The following BNIP1 variants were observed in gnomAD, a reference collection of about 807,000 sequenced individuals.
BNIP1 encodes the protein BCL2 interacting protein 1, also known as vesicle transport protein SEC20.
BNIP1 carries 25 observed loss-of-function variants against 28.5 expected under a neutral mutation model. The ratio of observed to expected loss-of-function variants is 0.88; its 90% CI spans 0.64 to 1.23. BNIP1 has a LOEUF of 1.23. BNIP1 is among the 50% of genes most tolerant of loss of function. The pLI, the probability that BNIP1 is intolerant of heterozygous loss-of-function variation, is 0.00. For synonymous variants in BNIP1, 118 were observed against 101.7 expected (o/e 1.16, Z -0.96); for missense variants, 276 against 277.0 (o/e 1.00, Z 0.02).
At chr5:173,160,485 C>T (rs1309831581) in intron 5 of BNIP1, among the ~76,000 whole-genome samples, 1 of 152,194 alleles carries the variant, frequency 6.6e-6, no homozygotes, top group Non-Finnish European at 1.5e-5. Context: ...CCGCCTGCCT[C>T]AGCCTCCCAA....
At chr5:173,163,605 C>T in intron 5 of BNIP1, 120 bp from the exon 6 acceptor site, 8 of 905,688 alleles carry the variant, frequency 8.8e-6, no homozygotes, top group Non-Finnish European at 1.3e-5. Flanking sequence ...TGCTTTGATT[C>T]CAGCTCAGAG....
At chr5:173,155,342 C>T (rs115360011) in intron 3 of BNIP1, among the ~76,000 whole-genome samples, 3 of 152,294 alleles carry the variant, frequency 2.0e-5, no homozygotes, top group African/African-American at 7.2e-5. Context: ...GACTTTTGTA[C>T]CAATCATAAA....
rs971291815 is a variant in BNIP1 at position 173,160,241 on chromosome 5, T to TG, written c.490+190_490+191insG. The stretch of plus-strand genomic sequence containing the variant: ...TGGGATGTGCTGCTCCTATTTCTCT[T>TG]TTTTTTTTTTGAGATGGAGTTTCGC... On this transcript the variant is annotated intron_variant, in intron 5 of 5. Transcript: ENST00000351486. Among the ~76,000 whole-genome samples, 15 of 148,750 alleles carry TG rather than the reference T, an allele frequency of 1.0e-4. No homozygotes were observed. In the East Asian group the frequency reaches 2.7e-3, roughly 27 times the overall value.
intron 2 of BNIP1, among the ~76,000 whole-genome samples, chr5:173,148,086 ATATATATAT>A (rs1759909317): frequency 1.4e-3 from 32 of 23,116 alleles, no homozygotes; most frequent in South Asian, 3.8e-3. Flanking sequence ...AAAAAAAAAT[ATATATATAT>A]ATATATATAT....
At chr5:173,147,694 T>C (rs1462279777) in intron 2 of BNIP1, among the ~76,000 whole-genome samples, 4 of 152,090 alleles carry the variant, frequency 2.6e-5, no homozygotes, top group African/African-American at 9.7e-5. Context: ...GTATATGTGC[T>C]GTCTCAAAAA....
chr5:173,156,671 A>T (rs1272780960), intron 3 of BNIP1, among the ~76,000 whole-genome samples: 1 of 146,752 alleles, frequency 6.8e-6, no homozygotes, highest in Non-Finnish European at 1.5e-5. Flanking sequence ...TTTTTGAGAC[A>T]GAGTCTCACT....
chr5:173,156,628 G>A (rs1191285977), intron 3 of BNIP1, among the ~76,000 whole-genome samples: 1 of 151,410 alleles, frequency 6.6e-6, no homozygotes, highest in East Asian at 1.9e-4. Flanking sequence ...GAGACAGAAC[G>A]AGACCCTGCC....
rs5745117 is a variant in BNIP1 at position 173,149,024 on chromosome 5, G to T, written c.177+2066G>T. Among the ~76,000 whole-genome samples, 1,517 of 152,206 alleles carry T rather than the reference G, an allele frequency of 1.0e-2. 13 individuals are homozygous for T. The highest frequency in any genetic ancestry group is 0.015 in the Non-Finnish European group (997 of 68,016). ...TTGGCAGAGAACTAGCACTTACTCT[G>T]CCCTAGTGGGACCTAGGAGAGTCAG... On this transcript the variant is annotated intron_variant, in intron 2 of 5. Transcript: ENST00000351486.
chr5:173,161,863 A>T (rs1012911001), intron 5 of BNIP1: 2 of 152,102 alleles, frequency 1.3e-5, no homozygotes, highest in African/African-American at 4.8e-5. Flanking sequence ...CGTAATAATA[A>T]AGTTTAAAAA....
At chr5:173,151,791 C>T in intron 2 of BNIP1, 1 of 1,541,152 alleles carries the variant, frequency 6.5e-7, no homozygotes, top group Non-Finnish European at 8.7e-7. Context: ...TGTACATTTA[C>T]ATATTTATTA....
chr5:173,153,624 G>T (rs374285540), intron 2 of BNIP1, among the ~76,000 whole-genome samples: 1 of 152,142 alleles, frequency 6.6e-6, no homozygotes, highest in African/African-American at 2.4e-5. Context: ...CAGCTCCCTG[G>T]TTGGTTATAA....
chr5:173,161,703 G>A (rs568701982), intron 5 of BNIP1: 3 of 152,350 alleles, frequency 2.0e-5, no homozygotes, highest in Non-Finnish European at 2.9e-5. Context: ...GGAATATGGT[G>A]TCTGGAATTT....
At chr5:173,155,254 G>A (rs114358278) in intron 3 of BNIP1, among the ~76,000 whole-genome samples, 1 of 152,308 alleles carries the variant, frequency 6.6e-6, no homozygotes, top group African/African-American at 2.4e-5. Context: ...GCCATTTCTT[G>A]TTATTGAATT....
chr5:173,149,748 C>T (rs137856515), intron 2 of BNIP1, among the ~76,000 whole-genome samples: 1 of 152,212 alleles, frequency 6.6e-6, no homozygotes, highest in South Asian at 2.1e-4. Flanking sequence ...TGGCAGAAGG[C>T]AAAGGGAGCA....
chr5:173,154,367 C>T lies in BNIP1; in HGVS notation c.223C>T (p.Gln75Ter). 6.2e-7 allele frequency: 1 copy of T among 1,614,016 alleles called. No homozygotes were observed. The highest frequency in any genetic ancestry group is 2.2e-5 in the East Asian group (1 of 44,870). Residue 75 changes from glutamine (Q) to a stop codon, truncating the protein, a stop_gained, in exon 3 of 6, where the codon CAA becomes TAA. Coordinates refer to ENST00000351486, the MANE Select transcript of BNIP1 (RefSeq NM_001205.3). LOFTEE classifies it high-confidence loss of function. ...AKEQDKESEK[Q>*]LLLQEVENHK... ...AGAGCAAGACAAAGAATCAGAGAAA[C>T]AACTTCTACTCCAGGAAGTGGAGAA...
chr5:173,159,584 G>T (rs1351583972), intron 4 of BNIP1, among the ~76,000 whole-genome samples: 1 of 151,864 alleles, frequency 6.6e-6, no homozygotes, highest in Admixed American at 6.6e-5. Context: ...TGTTTAAGTA[G>T]TGTAAGTAAT....
intron 2 of BNIP1, among the ~76,000 whole-genome samples, chr5:173,147,940 G>C (rs928758474): frequency 6.7e-6 from 1 of 149,380 alleles, no homozygotes; most frequent in African/African-American, 2.5e-5. Context: ...GCACACACCT[G>C]TAATCTCAGC....
intron 2 of BNIP1, among the ~76,000 whole-genome samples, chr5:173,148,316 C>A (rs1759925739): frequency 6.6e-6 from 1 of 151,344 alleles, no homozygotes; most frequent in African/African-American, 2.4e-5. Context: ...AGTTCAGAAT[C>A]TAGATCAGAA....
chr5:173,157,930 T>G (rs898490443), intron 3 of BNIP1, among the ~76,000 whole-genome samples: 3 of 151,246 alleles, frequency 2.0e-5, no homozygotes, highest in African/African-American at 7.3e-5. Flanking sequence ...GTGTGTGTTT[T>G]TTTTTTTTTT....
Sources: gnomAD v4.1 joint callset for allele counts (sites outside exome capture counted in the v4.1 genomes callset) on GRCh38, gnomAD v4.1.1 for gene constraint, MANE v1.5 for transcripts, NCBI Gene and HGNC (gene_info 2026-07-23, HGNC 2026-07-21) for gene names.